Variants in GRIA4 observed in about 807,000 individuals in gnomAD.
The protein encoded by GRIA4 is glutamate ionotropic receptor AMPA type subunit 4, also known as glutamate receptor 4.
GRIA4 carries 34 observed loss-of-function variants against 104.0 expected under a neutral mutation model. The observed-to-expected ratio is 0.33, with a 90% CI of 0.25 to 0.44. The LOEUF is 0.44. Ranked by LOEUF, GRIA4 falls within the 20% of genes least tolerant of loss-of-function variation. The pLI, the probability that GRIA4 is intolerant of heterozygous loss-of-function variation, is 1.00. For synonymous variants in GRIA4, 386 were observed against 381.9 expected (o/e 1.01, Z -0.13); for missense variants, 750 against 1,096.5 (o/e 0.68, Z 4.46).
chr11:105,830,185 T>A (rs181525917), intron 4 of GRIA4, among the ~76,000 whole-genome samples: 158 of 152,062 alleles, frequency 1.0e-3, no homozygotes, highest in African/African-American at 3.7e-3. Flanking sequence ...AAATGGGCAG[T>A]GAGGTGACAG....
intron 6 of GRIA4, among the ~76,000 whole-genome samples, chr11:105,896,900 T>G (rs1054397369): frequency 6.6e-6 from 1 of 152,194 alleles, no homozygotes; most frequent in African/African-American, 2.4e-5. Context: ...AAGCTTTTTA[T>G]TAGTTCCATA....
intron 4 of GRIA4, among the ~76,000 whole-genome samples, chr11:105,842,403 C>A (rs566601466): frequency 5.3e-5 from 8 of 151,858 alleles, no homozygotes; most frequent in Non-Finnish European, 1.2e-4. Context: ...GGATCTCGGG[C>A]CAAAACAAGA....
chr11:105,708,690 C>A (rs1445759512), intron 3 of GRIA4, among the ~76,000 whole-genome samples: 1 of 151,666 alleles, frequency 6.6e-6, no homozygotes, highest in Non-Finnish European at 1.5e-5. Flanking sequence ...CAACATTGAG[C>A]AAATAAGTAA....
chr11:105,958,662 T>C (rs555532391), intron 14 of GRIA4, among the ~76,000 whole-genome samples: 13 of 152,290 alleles, frequency 8.5e-5, no homozygotes, highest in African/African-American at 3.1e-4. Flanking sequence ...TCTTTTTCTA[T>C]TGATTGTAAT....
chr11:105,877,313 C>T (rs1328921717), intron 5 of GRIA4, among the ~76,000 whole-genome samples: 2 of 152,134 alleles, frequency 1.3e-5, no homozygotes, highest in East Asian at 3.9e-4. Context: ...GTGGGTAACT[C>T]AACCTTTCTC....
At chr11:105,745,530 A>C (rs372861185) in intron 3 of GRIA4, among the ~76,000 whole-genome samples, 210 of 152,306 alleles carry the variant, frequency 1.4e-3, no homozygotes, top group African/African-American at 4.7e-3. Flanking sequence ...GAAGAAGAAG[A>C]AACACAGAAA....
chr11:105,871,567 A>T (rs1408365362), intron 5 of GRIA4, among the ~76,000 whole-genome samples: 1 of 151,664 alleles, frequency 6.6e-6, no homozygotes, highest in Non-Finnish European at 1.5e-5. Flanking sequence ...TAACTGATTT[A>T]TAAAGACAGG....
At chr11:105,906,706 A>T (rs181662557) in intron 9 of GRIA4, among the ~76,000 whole-genome samples, 1 of 152,194 alleles carries the variant, frequency 6.6e-6, no homozygotes, top group East Asian at 1.9e-4. Flanking sequence ...GTGGCAGGAG[A>T]TGGATGGCAG....
At position 105,794,518 on chromosome 11, in the gene GRIA4, TAC is replaced by T. The variant is rs1165940733; in HGVS notation, c.487+41310_487+41311del. On this transcript the variant is annotated intron_variant, in intron 4 of 16. Transcript: ENST00000282499. Reference sequence around the variant, plus strand: ...ATATATATATATATATATATACATATACACACACACACATATCTGTCTCTCTG... The same window carrying T: ...ATATATATATATATATATATACATATACACACACACATATCTGTCTCTCTG... Among the ~76,000 whole-genome samples, 33 of 120,954 alleles carry T rather than the reference TAC, an allele frequency of 2.7e-4. No individual in the cohort carries two copies. In the East Asian group the frequency reaches 4.5e-3, roughly 16 times the overall value. 79.4% of individuals were successfully genotyped at this position (120,954 alleles called of 152,430 possible).
intron 4 of GRIA4, among the ~76,000 whole-genome samples, chr11:105,784,855 T>A (rs1046166842): frequency 6.6e-6 from 1 of 152,106 alleles, no homozygotes; most frequent in African/African-American, 2.4e-5. Flanking sequence ...AAGGTCAACA[T>A]CACTTATTGG....
At chr11:105,875,916 A>G (rs1195861200) in intron 5 of GRIA4, among the ~76,000 whole-genome samples, 1 of 151,588 alleles carries the variant, frequency 6.6e-6, no homozygotes, top group Non-Finnish European at 1.5e-5. Context: ...TGTCTCCTTC[A>G]GTTCTGCTCT....
intron 15 of GRIA4, 59 bp from the exon 16 acceptor site, chr11:105,974,244 ATGTGTTC>A: frequency 1.3e-6 from 2 of 1,494,844 alleles, no homozygotes; most frequent in South Asian, 1.2e-5. Context: ...TTTGGATTTC[ATGTGTTC>A]TTTTACCTTT....
At chr11:105,632,657 C>G (rs529360991) in intron 3 of GRIA4, among the ~76,000 whole-genome samples, 1 of 152,092 alleles carries the variant, frequency 6.6e-6, no homozygotes, top group Non-Finnish European at 1.5e-5. Context: ...TGCTTAGGGG[C>G]CAAGCATTGT....
At chr11:105,912,716 CA>C in intron 10 of GRIA4, 3 of 959,026 alleles carry the variant, frequency 3.1e-6, no homozygotes, top group Non-Finnish European at 3.7e-6. Context: ...TTCAGTAATT[CA>C]AAAAGACATA....
chr11:105,791,215 T>C (rs1942200648), intron 4 of GRIA4, among the ~76,000 whole-genome samples: 1 of 152,148 alleles, frequency 6.6e-6, no homozygotes, highest in Admixed American at 6.6e-5. Flanking sequence ...AAAAGTAGAA[T>C]TATGAATTAG....
At chr11:105,946,302 G>A (rs771720977) in intron 14 of GRIA4, among the ~76,000 whole-genome samples, 1 of 152,148 alleles carries the variant, frequency 6.6e-6, no homozygotes, top group Non-Finnish European at 1.5e-5. Flanking sequence ...GAATTTAAAG[G>A]GGCGGTGCAG....
chr11:105,945,616 G>C (rs1948287760), intron 14 of GRIA4: 1 of 182,020 alleles, frequency 5.5e-6, no homozygotes, highest in Non-Finnish European at 1.0e-5. Context: ...TAACCCACCA[G>C]CATAAGGAAA....
chr11:105,629,176 G>C (rs1950967237), intron 3 of GRIA4, among the ~76,000 whole-genome samples: 1 of 151,620 alleles, frequency 6.6e-6, no homozygotes, highest in African/African-American at 2.4e-5. Flanking sequence ...AGGAGTTGAA[G>C]GCTGCAGTGA....
At chr11:105,869,263 G>A (rs978431570) in intron 5 of GRIA4, among the ~76,000 whole-genome samples, 23 of 152,120 alleles carry the variant, frequency 1.5e-4, no homozygotes, top group African/African-American at 4.3e-4. Flanking sequence ...TGAATTCTAC[G>A]ATTAGGTTAG....
Sources: allele counts gnomAD v4.1 joint callset (sites outside exome capture counted in the v4.1 genomes callset), GRCh38; gene constraint gnomAD v4.1.1; transcripts MANE v1.5; gene names NCBI Gene and HGNC (gene_info 2026-07-23, HGNC 2026-07-21).